The following CENPT variants were observed in gnomAD, a reference collection of about 807,000 sequenced individuals.
The protein encoded by CENPT is centromere protein T.
In CENPT, 42 loss-of-function variants were observed where a neutral mutation model predicts 59.7. The ratio of observed to expected loss-of-function variants is 0.70; its 90% CI spans 0.55 to 0.91. The LOEUF (loss-of-function observed/expected upper bound fraction) is 0.91, where lower values mean the gene tolerates loss of function less well. Among genes scored for constraint, CENPT ranks in the 40% least tolerant of loss-of-function variants. The pLI is 0.00. For missense variants in CENPT, 716 were observed against 713.4 expected (o/e 1.00, Z -0.04); for synonymous variants, 295 against 289.6 (o/e 1.02, Z -0.19).
Position 67,828,559 on chromosome 16 carries a change from G to A in CENPT, c.1477C>T (p.His493Tyr). ...VEKCLDKYFQ[H>Y]LCDDLEVFAA... ...AATACCTCCAGATCATCACAAAGATGCTGGAAATATTTATCTAGGCTGTCA... is the reference window on the plus strand; with the variant it reads ...AATACCTCCAGATCATCACAAAGATACTGGAAATATTTATCTAGGCTGTCA... Residue 493 changes from histidine (H) to tyrosine (Y), a missense_variant, in exon 15 of 16, where the codon CAT becomes TAT. By Grantham distance (83) the His-to-Tyr change is moderately conservative (BLOSUM62 2). Transcript: ENST00000562787. 1 of 1,614,186 alleles carries A rather than the reference G, an allele frequency of 6.2e-7. No individual in the cohort carries two copies. Among genetic ancestry groups the A allele is most frequent in the East Asian group, 2.2e-5 (1 of 44,884 alleles).
rs774198099 is a variant in CENPT, at chr16:67,830,461, G to A, written c.791C>T (p.Thr264Ile). ...VYHSLPCTPHTGAEDAEQAAG... is the reference protein window; with the variant it reads ...VYHSLPCTPHIGAEDAEQAAG... ...AGCCTGCTCAGCGTCTTCAGCCCCA[G>A]TGTGAGGCGTGCAGGGCAGGGAGTG... Residue 264 changes from threonine to isoleucine, a missense_variant, in exon 11 of 16, where the codon ACT becomes ATT. Physicochemically the swap from Thr to Ile is moderately conservative, Grantham distance 89. Coordinates refer to ENST00000562787, the MANE Select transcript of CENPT (RefSeq NM_025082.4). 6 of 1,614,074 alleles carry A rather than the reference G, an allele frequency of 3.7e-6. No homozygotes were observed. Among genetic ancestry groups the A allele is most frequent in the South Asian group, 3.3e-5 (3 of 91,090 alleles).
At chr16:67,836,004 A>C (rs2057733037) in intron 1 of CENPT, among the ~76,000 whole-genome samples, 1 of 151,840 alleles carries the variant, frequency 6.6e-6, no homozygotes, top group South Asian at 2.1e-4. Flanking sequence ...CAGCCTCCCA[A>C]AGTGCTGGGA....
Position 67,834,111 on chromosome 16 carries a change from A to G in CENPT, c.-241-11T>C. ...TCTTGGCTTCTTCATCTGTAAATTG[A>G]GGTTGATACCCACCTGATAAGGAGC... On this transcript the variant is annotated splice_polypyrimidine_tract_variant and intron_variant, in intron 3 of 15. Transcript: ENST00000562787. 2.4e-6 allele frequency: 1 copy of G among 420,596 alleles called. No individual in the cohort carries two copies. The highest frequency in any genetic ancestry group is 4.9e-5 in the South Asian group (1 of 20,414). The allele number at this position is 420,596 out of a possible 1,614,324, so 26.1% of individuals were successfully genotyped here. A position where few individuals can be genotyped will look rare whatever the true frequency, so the allele number is the denominator to read the frequency against.
Position 67,833,871 on chromosome 16 carries a change from C to G in CENPT, c.-12G>C, listed in dbSNP as rs773261677. 3 of 1,493,778 alleles carry G rather than the reference C, an allele frequency of 2.0e-6. No homozygotes were observed. The highest frequency in any genetic ancestry group is 2.6e-5 in the South Asian group (2 of 76,150). The allele number at this position is 1,493,778 out of a possible 1,614,324, so 92.5% of individuals were successfully genotyped here. A position where few individuals can be genotyped will look rare whatever the true frequency, so the allele number is the denominator to read the frequency against. On this transcript the variant is annotated 5_prime_UTR_variant, in exon 4 of 16. Coordinates refer to ENST00000562787, the MANE Select transcript of CENPT (RefSeq NM_025082.4). Reference sequence around the variant, plus strand: ...TTGTGGTCAGCCATCGTCTCGGCCCCGGGCCCTCCTAACCGCCCAGCCAGC... The same window carrying G: ...TTGTGGTCAGCCATCGTCTCGGCCCGGGGCCCTCCTAACCGCCCAGCCAGC...
chr16:67,842,862 G>GGCAGCAGCAGCAACAGCAGCA lies in CENPT; in HGVS notation c.-492+4518_-492+4538dup. On this transcript the variant is annotated intron_variant, in intron 1 of 15. Transcript: ENST00000562787. The surrounding 1 kb of genome is among the most constrained non-coding windows in gnomAD (Gnocchi z 4.9). ...GCTGGGGCCGCGGCCGCCCGCCGCA[G>GGCAGCAGCAGCAACAGCAGCA]GCAGCAGCAGCAACAGCAGCAGCAG... 1 of 1,608,034 alleles carries GGCAGCAGCAGCAACAGCAGCA rather than the reference G, an allele frequency of 6.2e-7. No homozygotes were observed. Among genetic ancestry groups the GGCAGCAGCAGCAACAGCAGCA allele is most frequent in the Non-Finnish European group, 8.5e-7 (1 of 1,177,530 alleles).
chr16:67,841,784 C>T (rs1043777367), intron 1 of CENPT: 1 of 152,208 alleles, frequency 6.6e-6, no homozygotes, highest in Non-Finnish European at 1.5e-5. Context: ...AGAGAGTCCC[C>T]AACGCAAAGA....
chr16:67,830,630 C>G, intron 10 of CENPT, 82 bp from the exon 11 acceptor site: 1 of 1,437,890 alleles, frequency 7.0e-7, no homozygotes, highest in Non-Finnish European at 9.6e-7. Context: ...TCCAGGCCCA[C>G]CGGCTGCTAC....
chr16:67,832,521 C>A lies in CENPT; in HGVS notation c.135G>T (p.Thr45=). 6.2e-7 allele frequency: 1 copy of A among 1,614,104 alleles called. No homozygotes were observed. The highest frequency in any genetic ancestry group is 8.5e-7 in the Non-Finnish European group (1 of 1,180,002). ...RAGARRALLE[T]ASPRKLSGQT... is the part of the protein sequence containing the mutation. ...GGCCACTCAACTTCCTGGGGGAAGC[C>A]GTTTCAAGCAGGGCTCTCCGGGCTC... is the stretch of plus-strand genomic sequence containing the variant. The change falls in exon 5 of 16, where the codon ACG becomes ACT. Residue 45 remains threonine (T), a synonymous_variant. Coordinates refer to ENST00000562787, the MANE Select transcript of CENPT (RefSeq NM_025082.4).
chr16:67,838,495 G>A (rs1237218325), intron 1 of CENPT, among the ~76,000 whole-genome samples: 2 of 152,064 alleles, frequency 1.3e-5, no homozygotes, highest in African/African-American at 4.8e-5. Flanking sequence ...GGTGGTTCAT[G>A]CCTGTAGTCC....
chr16:67,834,297 T>G (rs1421386482), intron 3 of CENPT, 197 bp from the exon 4 acceptor site: 1 of 156,732 alleles, frequency 6.4e-6, no homozygotes, highest in Non-Finnish European at 1.4e-5. Context: ...ATTTTTATCC[T>G]ACATATGACC....
intron 1 of CENPT, among the ~76,000 whole-genome samples, chr16:67,839,511 G>C (rs2057749922): frequency 1.3e-5 from 2 of 152,018 alleles, no homozygotes; most frequent in Admixed American, 1.3e-4. Flanking sequence ...AGTGAGCCAA[G>C]ATTGCACCAC....
Position 67,842,836 on chromosome 16 carries a change from C to A in CENPT, c.-492+4565G>T. On this transcript the variant is annotated intron_variant, in intron 1 of 15. Coordinates refer to ENST00000562787, the MANE Select transcript of CENPT (RefSeq NM_025082.4). The surrounding 1 kb of genome is among the most constrained non-coding windows in gnomAD (Gnocchi z 4.9). ...ATGAGCGCAAAGTAGCGCGCAGACC[C>A]GCTGGGGCCGCGGCCGCCCGCCGCA... 1.9e-6 allele frequency: 3 copies of A among 1,608,650 alleles called. No individual in the cohort carries two copies. The highest frequency in any genetic ancestry group is 2.2e-5 in the East Asian group (1 of 44,764).
chr16:67,831,178 C>A (rs772950169), intron 10 of CENPT, 38 bp downstream of exon 10: 1 of 1,613,376 alleles, frequency 6.2e-7, no homozygotes, highest in Non-Finnish European at 8.5e-7. Flanking sequence ...GCGGGGAGAG[C>A]TTTCCCCAAA....
chr16:67,830,616 G>A (rs977687473), intron 10 of CENPT, 68 bp from the exon 11 acceptor site: 29 of 1,536,846 alleles, frequency 1.9e-5, no homozygotes, highest in African/African-American at 9.6e-5. Flanking sequence ...GGCTCTCAGC[G>A]TATTCCAGGC....
intron 1 of CENPT, among the ~76,000 whole-genome samples, chr16:67,837,558 A>T (rs2057740811): frequency 6.6e-6 from 1 of 152,082 alleles, no homozygotes; most frequent in South Asian, 2.1e-4. Flanking sequence ...AATACAAAAA[A>T]TTAGCCGGGC....
Position 67,830,450 on chromosome 16 carries a change from C to G in CENPT, c.802G>C (p.Asp268His). ...LPCTPHTGAE[D>H]AEQAAGRKTQ... ...TTGCGACCGGCAGCCTGCTCAGCGTCTTCAGCCCCAGTGTGAGGCGTGCAG... is the reference window on the plus strand; with the variant it reads ...TTGCGACCGGCAGCCTGCTCAGCGTGTTCAGCCCCAGTGTGAGGCGTGCAG... The change falls in exon 11 of 16, where the codon GAC becomes CAC. Residue 268 changes from aspartate (D) to histidine (H), a missense_variant. Coordinates refer to ENST00000562787, the MANE Select transcript of CENPT (RefSeq NM_025082.4). The G allele has an allele frequency of 6.2e-7, 1 of 1,614,174 alleles. No homozygotes were observed. Among genetic ancestry groups the G allele is most frequent in the Non-Finnish European group, 8.5e-7 (1 of 1,180,008 alleles).
Position 67,843,201 on chromosome 16 carries a change from C to T in CENPT, c.-492+4200G>A, listed in dbSNP as rs533382327. On this transcript the variant is annotated intron_variant, in intron 1 of 15. Transcript: ENST00000562787. The surrounding 1 kb of genome is among the most constrained non-coding windows in gnomAD (Gnocchi z 5.7). ...GCGTCGGAGTTACAGGCTGCTACCGCAGGGCTGGAGGCTGCCGAGTGCCCT... is the reference window on the plus strand; with the variant it reads ...GCGTCGGAGTTACAGGCTGCTACCGTAGGGCTGGAGGCTGCCGAGTGCCCT... The T allele has an allele frequency of 3.2e-5, 52 of 1,611,596 alleles. No individual in the cohort carries two copies. The highest frequency in any genetic ancestry group is 4.2e-5 in the Non-Finnish European group (50 of 1,179,720).
In CENPT at chr16:67,842,028, T is replaced by C. The variant is rs1598149565; in HGVS notation, c.-492+5373A>G. 6.6e-6 allele frequency: 1 copy of C among 152,342 alleles called. No homozygotes were observed. The highest frequency in any genetic ancestry group is 2.4e-5 in the African/African-American group (1 of 41,478). The allele number at this position is 152,342 out of a possible 1,614,324, so 9.4% of individuals were successfully genotyped here. The stretch of plus-strand genomic sequence containing the variant: ...GGGATTTGTAGTCTCCGTGGGCATA[T>C]ACCCACCGCGCTTGCGCACCGGTGA... On this transcript the variant is annotated intron_variant, in intron 1 of 15. Coordinates refer to ENST00000562787, the MANE Select transcript of CENPT (RefSeq NM_025082.4). This position sits in a 1 kb window ranked among gnomAD's most constrained non-coding sequence, Gnocchi z 4.9.
intron 6 of CENPT, 25 bp from the exon 7 acceptor site, chr16:67,832,133 G>A (rs777855520): frequency 3.1e-6 from 5 of 1,609,366 alleles, no homozygotes; most frequent in Non-Finnish European, 4.3e-6. Flanking sequence ...AGGAGAGGGT[G>A]GGGCTGACAG....
Sources: allele counts gnomAD v4.1 joint callset (sites outside exome capture counted in the v4.1 genomes callset), GRCh38; gene constraint gnomAD v4.1.1; non-coding constraint Gnocchi (gnomAD v3.1); transcripts MANE v1.5; gene names NCBI Gene and HGNC (gene_info 2026-07-23, HGNC 2026-07-21).